Variants in FLRT2 observed in about 807,000 individuals in gnomAD.
FLRT2 encodes leucine-rich repeat transmembrane protein FLRT2.
A neutral mutation model predicts 40.0 loss-of-function variants in FLRT2; 15 were observed. The ratio of observed to expected loss-of-function variants is 0.38; its 90% CI spans 0.25 to 0.58. The LOEUF (loss-of-function observed/expected upper bound fraction) is 0.58. FLRT2 is among the 20% of genes least tolerant of loss of function. FLRT2 has a pLI of 0.71. For missense variants in FLRT2, 726 were observed against 840.0 expected (o/e 0.86, Z 1.68); for synonymous variants, 380 against 336.8 (o/e 1.13, Z -1.41).
At chr14:85,556,262 A>G (rs1361610831) in intron 1 of FLRT2, among the ~76,000 whole-genome samples, 1 of 152,224 alleles carries the variant, frequency 6.6e-6, no homozygotes, top group Non-Finnish European at 1.5e-5. Flanking sequence ...TGCATGGCAC[A>G]GTAATTTCAT....
intron 1 of FLRT2, among the ~76,000 whole-genome samples, chr14:85,536,922 G>A (rs1033243187): frequency 2.0e-5 from 3 of 152,212 alleles, no homozygotes; most frequent in African/African-American, 7.2e-5. Context: ...CAGTCAGGCT[G>A]ACTATTGTTT....
At position 85,641,045 on chromosome 14, in the gene FLRT2, T is replaced by A. The variant is rs1004519111; in HGVS notation, c.*17548T>A. 31 of 152,198 alleles carry A rather than the reference T, an allele frequency of 2.0e-4. No homozygotes were observed. Among genetic ancestry groups the A allele is most frequent in the African/African-American group, 7.5e-4 (31 of 41,444 alleles). 9.4% of individuals were successfully genotyped at this position (152,198 alleles called of 1,614,324 possible). Reference sequence around the variant, plus strand: ...CTAGTGCATTTCTCCATAATGTGGGTGGCAATTATTCTAATCCCTTCCACA... The same window carrying A: ...CTAGTGCATTTCTCCATAATGTGGGAGGCAATTATTCTAATCCCTTCCACA... On this transcript the variant is annotated 3_prime_UTR_variant, in exon 2 of 2. Transcript: ENST00000330753.
chr14:85,580,635 T>C (rs1891344189), intron 1 of FLRT2, among the ~76,000 whole-genome samples: 1 of 152,220 alleles, frequency 6.6e-6, no homozygotes, highest in Admixed American at 6.5e-5. Flanking sequence ...TGCTGAAGTT[T>C]CTTGTGTACA....
At chr14:85,537,160 T>A (rs1387232485) in intron 1 of FLRT2, among the ~76,000 whole-genome samples, 1 of 152,178 alleles carries the variant, frequency 6.6e-6, no homozygotes, top group Admixed American at 6.5e-5. Flanking sequence ...AAGGAGACTT[T>A]AAAAATCTGA....
At chr14:85,573,768 T>A (rs1390424259) in intron 1 of FLRT2, among the ~76,000 whole-genome samples, 1 of 152,228 alleles carries the variant, frequency 6.6e-6, no homozygotes, top group Non-Finnish European at 1.5e-5. Flanking sequence ...AGTGAAGTAG[T>A]CCAGGACAGT....
At chr14:85,578,361 GCTCACTATATTAA>G (rs1166681501) in intron 1 of FLRT2, among the ~76,000 whole-genome samples, 2 of 151,614 alleles carry the variant, frequency 1.3e-5, no homozygotes, top group Admixed American at 6.6e-5. Flanking sequence ...AAAATCACAG[GCTCACTATATTAA>G]CTAGGCAGTG....
rs1342397832 is a variant in FLRT2 at position 85,550,659 on chromosome 14, AC to A, written c.-377+20127del. On this transcript the variant is annotated intron_variant, in intron 1 of 1. Transcript: ENST00000330753. ...AGAAGTTAGGGTTGTTTTAGCCTTTACCTACATTTCAGTTTAAGGCTTATCC... is the reference window on the plus strand; with the variant it reads ...AGAAGTTAGGGTTGTTTTAGCCTTTACTACATTTCAGTTTAAGGCTTATCC... Among the ~76,000 whole-genome samples, 11 of 152,166 alleles carry A rather than the reference AC, an allele frequency of 7.2e-5. 1 individual carries two copies. The highest frequency in any genetic ancestry group is 1.6e-4 in the Non-Finnish European group (11 of 68,016).
Position 85,650,430 on chromosome 14 carries a change from C to T in FLRT2, c.*26933C>T, listed in dbSNP as rs1894405824. 2 of 151,938 alleles carry T rather than the reference C, an allele frequency of 1.3e-5. No individual in the cohort carries two copies. Among genetic ancestry groups the T allele is most frequent in the South Asian group, 4.1e-4 (2 of 4,824 alleles). The allele number at this position is 151,938 out of a possible 1,614,324, so 9.4% of individuals were successfully genotyped here. ...ATCATAAACTATCCTTCAATGAACA[C>T]TCTTTTAATGTCATCTGGTGTCAGG... is the stretch of plus-strand genomic sequence containing the variant. On this transcript the variant is annotated 3_prime_UTR_variant, in exon 2 of 2. Transcript: ENST00000330753.
chr14:85,609,039 GT>G (rs1391614916), intron 1 of FLRT2, among the ~76,000 whole-genome samples: 2 of 152,134 alleles, frequency 1.3e-5, no homozygotes, highest in African/African-American at 4.8e-5. Context: ...GGGATAACTG[GT>G]CCAAAGTCTC....
At chr14:85,551,294 T>C (rs557700301) in intron 1 of FLRT2, among the ~76,000 whole-genome samples, 14 of 152,276 alleles carry the variant, frequency 9.2e-5, no homozygotes, top group Non-Finnish European at 2.9e-5. Context: ...CAAGGTGGTA[T>C]GTGGGACCAT....
rs1227019869 is a variant in FLRT2 at position 85,632,539 on chromosome 14, C to T, written c.*9042C>T. The T allele has an allele frequency of 2.0e-5, 3 of 149,334 alleles. No individual in the cohort carries two copies. The highest frequency in any genetic ancestry group is 7.4e-5 in the African/African-American group (3 of 40,572). The allele number at this position is 149,334 out of a possible 1,614,324, so 9.3% of individuals were successfully genotyped here. On this transcript the variant is annotated 3_prime_UTR_variant, in exon 2 of 2. Transcript: ENST00000330753. ...AAAGTCCACAAAGCACAAGTAGACA[C>T]AAAGTTAAACATTTCGACAGTCGGC... is the stretch of plus-strand genomic sequence containing the variant.
intron 1 of FLRT2, among the ~76,000 whole-genome samples, chr14:85,604,932 C>T (rs549868126): frequency 6.6e-6 from 1 of 152,150 alleles, no homozygotes; most frequent in African/African-American, 2.4e-5. Context: ...TTAGTGCCGA[C>T]ATGATTCTTT....
intron 1 of FLRT2, among the ~76,000 whole-genome samples, chr14:85,599,817 A>G (rs1300145206): frequency 6.6e-6 from 1 of 152,186 alleles, no homozygotes; most frequent in Non-Finnish European, 1.5e-5. Context: ...AGGAAGATTA[A>G]ATAACTTCCC....
intron 1 of FLRT2, among the ~76,000 whole-genome samples, chr14:85,558,720 G>C (rs1207643202): frequency 6.6e-6 from 1 of 152,192 alleles, no homozygotes; most frequent in Non-Finnish European, 1.5e-5. Flanking sequence ...CAGCAGCATT[G>C]AGGTATTTAC....
At chr14:85,545,562 A>C (rs1034519403) in intron 1 of FLRT2, among the ~76,000 whole-genome samples, 1 of 152,224 alleles carries the variant, frequency 6.6e-6, no homozygotes, top group Non-Finnish European at 1.5e-5. Context: ...CCAACTTTCT[A>C]TATTTGTCTT....
intron 1 of FLRT2, among the ~76,000 whole-genome samples, chr14:85,558,069 G>A (rs967605455): frequency 2.6e-5 from 4 of 152,082 alleles, no homozygotes; most frequent in South Asian, 2.1e-4. Flanking sequence ...GAAAGCATCC[G>A]TAGACTTCCG....
chr14:85,559,158 G>C (rs1471685335), intron 1 of FLRT2, among the ~76,000 whole-genome samples: 1 of 152,172 alleles, frequency 6.6e-6, no homozygotes, highest in Non-Finnish European at 1.5e-5. Flanking sequence ...AATATGCTCA[G>C]CAGAGGGGTA....
intron 1 of FLRT2, chr14:85,562,718 G>A (rs1377276003): frequency 6.7e-6 from 1 of 149,050 alleles, no homozygotes; most frequent in Non-Finnish European, 1.5e-5. Flanking sequence ...CAGGCCACAC[G>A]GTTCAATAAC....
rs959790915 is a variant in FLRT2 at position 85,649,794 on chromosome 14, A to T, written c.*26297A>T. 6.6e-6 allele frequency: 1 copy of T among 151,976 alleles called. No homozygotes were observed. The highest frequency in any genetic ancestry group is 2.1e-4 in the South Asian group (1 of 4,822). The allele number at this position is 151,976 out of a possible 1,614,324, so 9.4% of individuals were successfully genotyped here. A position where few individuals can be genotyped will look rare whatever the true frequency, so the allele number is the denominator to read the frequency against. ...GTATCAACAGTTTCAAAGGAGAGAG[A>T]GTGTTTTTGGTAAAGGCAATAAATT... On this transcript the variant is annotated 3_prime_UTR_variant, in exon 2 of 2. Coordinates refer to ENST00000330753, the MANE Select transcript of FLRT2 (RefSeq NM_013231.6).
Sources: gnomAD v4.1 joint callset for allele counts (sites outside exome capture counted in the v4.1 genomes callset) on GRCh38, gnomAD v4.1.1 for gene constraint, MANE v1.5 for transcripts, NCBI Gene and HGNC (gene_info 2026-07-23, HGNC 2026-07-21) for gene names.